SLU7: variants seen among roughly 807,000 people sequenced by gnomAD.
SLU7 encodes the protein spliceosome associated SLU7.
Under a neutral mutation model 87.0 loss-of-function variants are expected in SLU7, and 60 were observed. That is an observed-to-expected ratio of 0.69 (90% CI 0.56 to 0.86). The LOEUF (loss-of-function observed/expected upper bound fraction) is 0.86, where lower values mean the gene tolerates loss of function less well. Among genes scored for constraint, SLU7 ranks in the 40% least tolerant of loss-of-function variants. The pLI is 0.00. For synonymous variants in SLU7, 197 were observed against 222.0 expected, an observed-to-expected ratio of 0.89 and a Z score of 1.00; for missense variants, 507 against 686.6, an observed-to-expected ratio of 0.74 and a Z score of 2.92.
intron 1 of SLU7, among the ~76,000 whole-genome samples, chr5:160,416,107 T>C (rs772429376): frequency 4.6e-5 from 7 of 152,108 alleles, no homozygotes; most frequent in Non-Finnish European, 1.0e-4. Flanking sequence ...CTGGCCAGGC[T>C]GCTCTCAAAC....
rs149576467 is a variant in SLU7, at chr5:160,407,296, T to C, written c.1125+180A>G. Among the ~76,000 whole-genome samples, 455 of 142,244 alleles carry C rather than the reference T, an allele frequency of 3.2e-3. 6 individuals are homozygous for C. Among genetic ancestry groups the C allele is most frequent in the African/African-American group, 0.012 (429 of 37,286 alleles). 93.3% of individuals were successfully genotyped at this position (142,244 alleles called of 152,430 possible). A position where few individuals can be genotyped will look rare whatever the true frequency, so the allele number is the denominator to read the frequency against. On this transcript the variant is annotated intron_variant, in intron 11 of 15. Coordinates refer to ENST00000297151, the MANE Select transcript of SLU7 (RefSeq NM_006425.5). The surrounding 1 kb of genome is among the most constrained non-coding windows in gnomAD (Gnocchi z 4.2). ...TAAGCTATTAAGATTTGAGGTAGCT[T>C]GTTTTGCTGCAAAAGCTCATACAAA... is the stretch of plus-strand genomic sequence containing the variant.
chr5:160,409,310 C>T (rs776739455), intron 6 of SLU7, among the ~76,000 whole-genome samples: 12 of 152,004 alleles, frequency 7.9e-5, no homozygotes, highest in Non-Finnish European at 1.3e-4. Flanking sequence ...CACTTTTCTT[C>T]GCTAGCAATT....
intron 7 of SLU7, 62 bp from the exon 8 acceptor site, chr5:160,408,522 T>C (rs1466620758): frequency 3.3e-6 from 5 of 1,532,214 alleles, no homozygotes; most frequent in South Asian, 1.2e-5. Flanking sequence ...TTCTTTTTTT[T>C]CCCCTTTCCC....
intron 1 of SLU7, among the ~76,000 whole-genome samples, chr5:160,418,321 C>T (rs1012719800): frequency 1.3e-5 from 2 of 152,124 alleles, no homozygotes; most frequent in Admixed American, 6.5e-5. Context: ...AGGTAAGATC[C>T]TCAGCCAAGA....
At chr5:160,411,041 A>AT (rs1765210531) in intron 6 of SLU7, among the ~76,000 whole-genome samples, 1 of 150,882 alleles carries the variant, frequency 6.6e-6, no homozygotes, top group African/African-American at 2.4e-5. Flanking sequence ...AATTTTTTGT[A>AT]TTTTTTAGTA....
In SLU7 at chr5:160,404,467, TTCA is replaced by T. The variant is rs1170837867; in HGVS notation, c.1551_1553del (p.Asp517del). Reference sequence around the variant, plus strand: ...TTTTCAATTTTTCATGCTTCTTTTCTTCATCATCACTATCTGAACTGCTCTTTC... The same window carrying T: ...TTTTCAATTTTTCATGCTTCTTTTCTTCATCACTATCTGAACTGCTCTTTC... On this transcript the variant is annotated inframe_deletion, in exon 15 of 16. Transcript: ENST00000297151. 1.9e-6 allele frequency: 3 copies of T among 1,599,928 alleles called. No homozygotes were observed. The highest frequency in any genetic ancestry group is 1.7e-5 in the Admixed American group (1 of 58,186).
chr5:160,413,776 A>G (rs751184253), intron 4 of SLU7, 123 bp downstream of exon 4: 6 of 943,038 alleles, frequency 6.4e-6, no homozygotes, highest in Non-Finnish European at 9.4e-6. Context: ...TTCCACTGAA[A>G]CTAATTTTTA....
chr5:160,403,544 C>T (rs1324731512), intron 15 of SLU7, 80 bp from the exon 16 acceptor site: 1 of 1,259,852 alleles, frequency 7.9e-7, no homozygotes, highest in African/African-American at 1.5e-5. Context: ...TACCAACACA[C>T]CCCACTGAAT....
intron 6 of SLU7, among the ~76,000 whole-genome samples, chr5:160,410,917 A>C (rs900810153): frequency 2.0e-5 from 3 of 149,346 alleles, no homozygotes; most frequent in Non-Finnish European, 3.0e-5. Context: ...CCCAGGCTGG[A>C]GTGCAGCGGC....
At chr5:160,412,231 G>A (rs1765265758) in intron 6 of SLU7, among the ~76,000 whole-genome samples, 1 of 152,132 alleles carries the variant, frequency 6.6e-6, no homozygotes, top group African/African-American at 2.4e-5. Context: ...AAAAGTAAAT[G>A]TTTGTGTGTG....
chr5:160,407,607 A>AT lies in SLU7; in HGVS notation c.993dup (p.Trp332MetfsTer5). On this transcript the variant is annotated frameshift_variant, in exon 11 of 16. Transcript: ENST00000297151. LOFTEE classifies it high-confidence loss of function. The surrounding 1 kb of genome is among the most constrained non-coding windows in gnomAD (Gnocchi z 4.2). ...TCAGATCCCTTGTCATAGGCTTCCC[A>AT]TGCAAACACTAGAGTAATTCAAAAC... 6.2e-7 allele frequency: 1 copy of AT among 1,611,914 alleles called. No individual in the cohort carries two copies. Among genetic ancestry groups the AT allele is most frequent in the South Asian group, 1.1e-5 (1 of 90,428 alleles).
At chr5:160,414,298 G>A (rs1273102718) in intron 3 of SLU7, 21 bp downstream of exon 3, 3 of 1,567,076 alleles carry the variant, frequency 1.9e-6, no homozygotes, top group African/African-American at 2.8e-5. Flanking sequence ...CCATGAAGAT[G>A]TATACAGGTT....
At chr5:160,405,958 A>G (rs1764993080) in intron 12 of SLU7, among the ~76,000 whole-genome samples, 1 of 152,162 alleles carries the variant, frequency 6.6e-6, no homozygotes, top group South Asian at 2.1e-4. Context: ...TGTTAAAGGC[A>G]TTTTTCTGTA....
At chr5:160,415,024 A>G in intron 2 of SLU7, 101 bp downstream of exon 2, 1 of 1,019,870 alleles carries the variant, frequency 9.8e-7, no homozygotes, top group Non-Finnish European at 1.4e-6. Context: ...AAATGACATA[A>G]ATGAAGAGAG....
At chr5:160,411,067 C>T (rs538016547) in intron 6 of SLU7, among the ~76,000 whole-genome samples, 188 of 152,112 alleles carry the variant, frequency 1.2e-3, no homozygotes, top group Non-Finnish European at 1.7e-3. Context: ...GGGGTTTCAC[C>T]GTGTTAGCCA....
chr5:160,405,146 A>G lies in SLU7; in HGVS notation c.1288-11T>C. ...CGATCCCCAGATATGCTGCAGAGAG[A>G]GAAATTAAAAAGCTTAAAAAGGAAG... On this transcript the variant is annotated splice_polypyrimidine_tract_variant and intron_variant, in intron 12 of 15. Transcript: ENST00000297151. The G allele has an allele frequency of 1.3e-6, 2 of 1,588,242 alleles. No individual in the cohort carries two copies. The highest frequency in any genetic ancestry group is 1.7e-5 in the Admixed American group (1 of 59,488).
Position 160,403,527 on chromosome 5 carries a change from G to A in SLU7, c.1582-63C>T, listed in dbSNP as rs1227806580. On this transcript the variant is annotated intron_variant, in intron 15 of 15. Transcript: ENST00000297151. Reference sequence around the variant, plus strand: ...CATCAGATGTCTTTTCTTCAAAAGTGGCAGAGTACCAACACACCCCACTGA... The same window carrying A: ...CATCAGATGTCTTTTCTTCAAAAGTAGCAGAGTACCAACACACCCCACTGA... 4.2e-6 allele frequency: 6 copies of A among 1,426,938 alleles called. No individual in the cohort carries two copies. In the African/African-American group the frequency reaches 8.7e-5, roughly 21 times the overall value. 88.4% of individuals were successfully genotyped at this position (1,426,938 alleles called of 1,614,324 possible).
Position 160,402,224 on chromosome 5 carries a change from A to T in SLU7, c.*1061T>A, listed in dbSNP as rs1764812389. 6.6e-6 allele frequency: 1 copy of T among 152,222 alleles called. No individual in the cohort carries two copies. The highest frequency in any genetic ancestry group is 1.5e-5 in the Non-Finnish European group (1 of 68,036). 9.4% of individuals were successfully genotyped at this position (152,222 alleles called of 1,614,324 possible). ...AATCTAATATTCATGATTGTTACATAGGGGCAATCACAATGAAAACAAACG... is the reference window on the plus strand; with the variant it reads ...AATCTAATATTCATGATTGTTACATTGGGGCAATCACAATGAAAACAAACG... On this transcript the variant is annotated 3_prime_UTR_variant, in exon 16 of 16. Coordinates refer to ENST00000297151, the MANE Select transcript of SLU7 (RefSeq NM_006425.5).
chr5:160,415,725 A>T (rs977812739), intron 1 of SLU7, among the ~76,000 whole-genome samples: 6 of 151,944 alleles, frequency 3.9e-5, no homozygotes, highest in Non-Finnish European at 8.8e-5. Context: ...TTTCATCCTC[A>T]CTCACTCTAA....
Sources: gnomAD v4.1 joint callset for allele counts (sites outside exome capture counted in the v4.1 genomes callset) on GRCh38, gnomAD v4.1.1 for gene constraint, Gnocchi (gnomAD v3.1) non-coding constraint, MANE v1.5 for transcripts, NCBI Gene and HGNC (gene_info 2026-07-23, HGNC 2026-07-21) for gene names.